Variants in PCDH17 observed in about 807,000 individuals in gnomAD.
The protein encoded by PCDH17 is protocadherin 17.
In PCDH17, 21 loss-of-function variants were observed where a neutral mutation model predicts 67.7. That is an observed-to-expected ratio of 0.31 (90% CI 0.22 to 0.45). PCDH17 has a LOEUF of 0.45. Ranked by LOEUF, PCDH17 falls within the 20% of genes least tolerant of loss-of-function variation. The probability of loss-of-function intolerance (pLI) is 1.00; values close to 1 mark genes in which losing one functional copy is unlikely to be tolerated. For missense variants in PCDH17, 1,471 were observed against 1,564.8 expected (o/e 0.94, Z 1.01); for synonymous variants, 701 against 656.7 (o/e 1.07, Z -1.03).
chr13:57,634,740 C>G lies in PCDH17; in HGVS notation c.2194C>G (p.Arg732Gly). Residue 732 changes from arginine to glycine, a missense_variant, in exon 1 of 4, where the codon CGC becomes GGC. This residue lies in a region of PCDH17 where 1,163 missense variants were observed against 1,230.0 expected (regional missense o/e 0.95). Coordinates refer to ENST00000377918, the MANE Select transcript of PCDH17 (RefSeq NM_001040429.3). The surrounding 1 kb of genome is among the most constrained non-coding windows in gnomAD (Gnocchi z 7.8). ...GATCACCATCGCCGTCAAGTGCAAG[C>G]GCGAGAACAAGGAGATCCGCACTTA... ...AMITIAVKCK[R>G]ENKEIRTYNC... is the part of the protein sequence containing the mutation. 2 of 1,613,952 alleles carry G rather than the reference C, an allele frequency of 1.2e-6. No individual in the cohort carries two copies. The highest frequency in any genetic ancestry group is 8.5e-7 in the Non-Finnish European group (1 of 1,180,016).
chr13:57,666,972 C>T, intron 3 of PCDH17, 139 bp downstream of exon 3: 1 of 661,488 alleles, frequency 1.5e-6, no homozygotes, highest in Non-Finnish European at 2.2e-6. Flanking sequence ...TTGAGGTTGC[C>T]CCAGAAAAAA....
intron 1 of PCDH17, among the ~76,000 whole-genome samples, chr13:57,648,560 G>T (rs1954995926): frequency 6.6e-6 from 1 of 151,922 alleles, no homozygotes; most frequent in Non-Finnish European, 1.5e-5. Context: ...AAGGCTTAAT[G>T]GGCAAGTGTA....
At chr13:57,667,162 G>A (rs1036436673) in intron 3 of PCDH17, among the ~76,000 whole-genome samples, 1 of 152,070 alleles carries the variant, frequency 6.6e-6, no homozygotes, top group Non-Finnish European at 1.5e-5. Context: ...AGCTAGATAT[G>A]TATATTTATG....
chr13:57,687,222 T>C (rs1593927434), intron 3 of PCDH17, among the ~76,000 whole-genome samples: 1 of 152,184 alleles, frequency 6.6e-6, no homozygotes, highest in East Asian at 1.9e-4. Flanking sequence ...ATTTCACAAC[T>C]GGAAAGTAAA....
chr13:57,726,008 A>G lies in PCDH17; in HGVS notation c.*714A>G, dbSNP rs997700335. On this transcript the variant is annotated 3_prime_UTR_variant, in exon 4 of 4. Coordinates refer to ENST00000377918, the MANE Select transcript of PCDH17 (RefSeq NM_001040429.3). ...TCCATTTTGTCCTGCACACACGTAG[A>G]CTAATTCACGTCATTAAAGAAGAAG... 6.6e-6 allele frequency: 1 copy of G among 152,536 alleles called. No homozygotes were observed. Among genetic ancestry groups the G allele is most frequent in the African/African-American group, 2.4e-5 (1 of 41,468 alleles). The allele number at this position is 152,536 out of a possible 1,614,324, so 9.4% of individuals were successfully genotyped here.
chr13:57,685,432 G>A (rs1383894272), intron 3 of PCDH17, among the ~76,000 whole-genome samples: 1 of 151,918 alleles, frequency 6.6e-6, no homozygotes, highest in Non-Finnish European at 1.5e-5. Context: ...AGGAACGAAG[G>A]TGTGAAATTA....
intron 1 of PCDH17, among the ~76,000 whole-genome samples, chr13:57,663,300 G>T (rs1249934350): frequency 6.6e-6 from 1 of 152,046 alleles, no homozygotes; most frequent in Non-Finnish European, 1.5e-5. Context: ...GTAAATATTC[G>T]TGTTTAATTA....
chr13:57,646,756 T>G (rs954302370), intron 1 of PCDH17, among the ~76,000 whole-genome samples: 2 of 151,758 alleles, frequency 1.3e-5, no homozygotes, highest in Non-Finnish European at 3.0e-5. Context: ...TCATATAAGA[T>G]TATCCCATGA....
intron 1 of PCDH17, among the ~76,000 whole-genome samples, chr13:57,648,168 G>C (rs1954988977): frequency 6.6e-6 from 1 of 151,840 alleles, no homozygotes; most frequent in Non-Finnish European, 1.5e-5. Flanking sequence ...TGATAGAAAG[G>C]CTCTAGGAGT....
intron 3 of PCDH17, among the ~76,000 whole-genome samples, chr13:57,711,123 G>A (rs547013053): frequency 5.9e-5 from 9 of 151,920 alleles, no homozygotes; most frequent in East Asian, 1.9e-4. Context: ...AAATTCAAGG[G>A]TATCATTTAT....
intron 1 of PCDH17, among the ~76,000 whole-genome samples, chr13:57,658,764 GTTTGT>G (rs61473114): frequency 7.5e-4 from 112 of 150,122 alleles, no homozygotes; most frequent in Admixed American, 2.8e-3. Flanking sequence ...TTTTTCGTTT[GTTTGT>G]TTTGTTTTGT....
At chr13:57,711,197 A>G (rs1593945826) in intron 3 of PCDH17, among the ~76,000 whole-genome samples, 2 of 151,938 alleles carry the variant, frequency 1.3e-5, no homozygotes, top group African/African-American at 2.4e-5. Context: ...GTTCCTCAAT[A>G]TATTTCTGCC....
intron 3 of PCDH17, 86 bp from the exon 4 acceptor site, chr13:57,724,526 G>T: frequency 9.6e-7 from 1 of 1,039,890 alleles, no homozygotes; most frequent in Non-Finnish European, 1.4e-6. Context: ...GGTCAAGCAA[G>T]CCCATTGAGA....
rs564403787 is a variant in PCDH17 at position 57,725,090 on chromosome 13, T to G, written c.3276T>G (p.Ala1092=). 6.2e-7 allele frequency: 1 copy of G among 1,614,126 alleles called. No homozygotes were observed. Among genetic ancestry groups the G allele is most frequent in the South Asian group, 1.1e-5 (1 of 91,080 alleles). The change falls in exon 4 of 4, where the codon GCT becomes GCG. Residue 1092 remains alanine, a synonymous_variant. Transcript: ENST00000377918. ...AACCAAGAGACCCTCCCTTCATGGCTTCCGATCAGATGGCAAGGGTCTTTG... is the reference window on the plus strand; with the variant it reads ...AACCAAGAGACCCTCCCTTCATGGCGTCCGATCAGATGGCAAGGGTCTTTG... ...SKQPRDPPFM[A]SDQMARVFAD... is the part of the protein sequence containing the mutation.
rs777803892 is a variant in PCDH17, at chr13:57,634,046, C to T, written c.1500C>T (p.Asp500=). 6.2e-7 allele frequency: 1 copy of T among 1,613,450 alleles called. No homozygotes were observed. The change falls in exon 1 of 4, where the codon GAC becomes GAT. Residue 500 remains aspartate (D), a synonymous_variant. Transcript: ENST00000377918. The surrounding 1 kb of genome is among the most constrained non-coding windows in gnomAD (Gnocchi z 7.8). Reference sequence around the variant, plus strand: ...GCTCTGTGCTCGCCCAGGATCCCGACCTGGGCCAGAACGGCACCGTATCCT... The same window carrying T: ...GCTCTGTGCTCGCCCAGGATCCCGATCTGGGCCAGAACGGCACCGTATCCT... The part of the protein sequence containing the change: ...YLGSVLAQDP[D]LGQNGTVSYS...
intron 3 of PCDH17, among the ~76,000 whole-genome samples, chr13:57,676,059 C>T (rs1334938228): frequency 1.3e-5 from 2 of 151,846 alleles, no homozygotes; most frequent in African/African-American, 4.8e-5. Flanking sequence ...AAAAAAATGA[C>T]TTAATGTCTA....
chr13:57,694,668 A>G (rs959855958), intron 3 of PCDH17, among the ~76,000 whole-genome samples: 5 of 151,236 alleles, frequency 3.3e-5, no homozygotes, highest in Non-Finnish European at 5.9e-5. Context: ...TACTTTCCTG[A>G]AGTGAAGTCC....
chr13:57,701,418 T>C (rs1292085090), intron 3 of PCDH17, among the ~76,000 whole-genome samples: 2 of 152,154 alleles, frequency 1.3e-5, no homozygotes, highest in East Asian at 3.8e-4. Flanking sequence ...ATCCCTTTGA[T>C]ATTTCTCAGA....
rs1195646900 is a variant in PCDH17 at position 57,727,526 on chromosome 13, T to G, written c.*2232T>G. 4.6e-5 allele frequency: 7 copies of G among 152,000 alleles called. No homozygotes were observed. Among genetic ancestry groups the G allele is most frequent in the Non-Finnish European group, 1.0e-4 (7 of 67,944 alleles). The allele number at this position is 152,000 out of a possible 1,614,324, so 9.4% of individuals were successfully genotyped here. A position where few individuals can be genotyped will look rare whatever the true frequency, so the allele number is the denominator to read the frequency against. ...GCAAAACTGCTTTGAGAGGGAAGAG[T>G]GGACAACTCCCATCAGCCTTATTCT... is the stretch of plus-strand genomic sequence containing the variant. On this transcript the variant is annotated 3_prime_UTR_variant, in exon 4 of 4. Transcript: ENST00000377918.
Sources: gnomAD v4.1 joint callset for allele counts (sites outside exome capture counted in the v4.1 genomes callset) on GRCh38, gnomAD v4.1.1 for gene constraint, gnomAD v4.1.1 regional missense constraint, Gnocchi (gnomAD v3.1) non-coding constraint, MANE v1.5 for transcripts, NCBI Gene and HGNC (gene_info 2026-07-23, HGNC 2026-07-21) for gene names.